MEFV: variants seen among roughly 807,000 people sequenced by gnomAD.
MEFV encodes pyrin.
In MEFV, 60 loss-of-function variants were observed where a neutral mutation model predicts 62.5. The observed-to-expected ratio is 0.96, with a 90% CI of 0.78 to 1.19. The LOEUF (loss-of-function observed/expected upper bound fraction) is 1.19. Among genes scored for constraint, MEFV ranks in the 50% most tolerant of loss-of-function variants. The probability of loss-of-function intolerance (pLI) is 0.00; values close to 1 mark genes in which losing one functional copy is unlikely to be tolerated. For missense variants in MEFV, 1,169 were observed against 1,004.5 expected (o/e 1.16, Z -2.21); for synonymous variants, 500 against 415.2 (o/e 1.20, Z -2.48).
chr16:3,251,330 G>A (rs1300170265), intron 2 of MEFV, among the ~76,000 whole-genome samples: 4 of 152,146 alleles, frequency 2.6e-5, no homozygotes, highest in Admixed American at 1.3e-4. Context: ...GCAGCTTCTA[G>A]AAACTTCTAG....
At chr16:3,247,479 A>G (rs1958960127) in intron 4 of MEFV, 1 of 568,822 alleles carries the variant, frequency 1.8e-6, no homozygotes, top group Non-Finnish European at 3.1e-6. Flanking sequence ...TTAAGGTTTA[A>G]CTGTGTCCCT....
intron 6 of MEFV, 41 bp downstream of exon 6, chr16:3,246,484 C>T: frequency 1.2e-6 from 2 of 1,613,522 alleles, no homozygotes; most frequent in Non-Finnish European, 1.7e-6. Context: ...CATATGCTTT[C>T]TGCAAGACAC....
chr16:3,246,641 C>G (rs1160152119), intron 5 of MEFV, 94 bp from the exon 6 acceptor site: 3 of 1,357,552 alleles, frequency 2.2e-6, no homozygotes, highest in East Asian at 2.3e-5. Flanking sequence ...ACTTTTAGCT[C>G]CCCGCTGCAC....
rs774821792 is a variant in MEFV at position 3,249,717 on chromosome 16, C to T, written c.974G>A (p.Gly325Asp). 3 of 1,614,024 alleles carry T rather than the reference C, an allele frequency of 1.9e-6. No homozygotes were observed. The highest frequency in any genetic ancestry group is 1.1e-5 in the South Asian group (1 of 91,062). The change falls in exon 3 of 10, where the codon GGT (glycine) becomes GAT (aspartate). Residue 325 changes from glycine (G) to aspartate (D), a missense_variant. Gly to Asp is a moderately conservative substitution (Grantham distance 94). Transcript: ENST00000219596. ...CHAQEGDPVD[G>D]TCVRDSCSFP... ...GCTGCAGGAATCACGCACACAGGTA[C>T]CGTCAACTGGGTCTCCTTCCTGGGC...
rs1567237002 is a variant in MEFV at position 3,254,197 on chromosome 16, G to T, written c.871C>A (p.Leu291Met). Reference protein sequence around the residue: ...PTPDGGASADLKEGPGNPEHS... With the variant: ...PTPDGGASADMKEGPGNPEHS... ...TCTGGATTTCCAGGGCCTTCCTTCA[G>T]GTCCGCAGATGCCCCTCCATCCGGA... The change falls in exon 2 of 10, where the codon CTG (leucine) becomes ATG (methionine). Residue 291 changes from leucine to methionine, a missense_variant. Transcript: ENST00000219596. The T allele has an allele frequency of 1.1e-5, 17 of 1,614,270 alleles. No individual in the cohort carries two copies. The highest frequency in any genetic ancestry group is 1.4e-5 in the Non-Finnish European group (16 of 1,180,046).
At chr16:3,252,766 C>T (rs1333347568) in intron 2 of MEFV, among the ~76,000 whole-genome samples, 13 of 138,128 alleles carry the variant, frequency 9.4e-5, no homozygotes, top group African/African-American at 2.5e-4. Flanking sequence ...AGACAGTCCT[C>T]GTAACTACAA....
chr16:3,244,406 T>A (rs1958908771), intron 7 of MEFV, 67 bp downstream of exon 7: 1 of 1,589,266 alleles, frequency 6.3e-7, no homozygotes. Flanking sequence ...AGTGAGGGGC[T>A]CTGGGCTATG....
At position 3,256,477 on chromosome 16, in the gene MEFV, G is replaced by A. The variant is rs1959117545; in HGVS notation, c.111C>T (p.His37=). The change falls in exon 1 of 10, where the codon CAC becomes CAT. Residue 37 remains histidine, a synonymous_variant. Coordinates refer to ENST00000219596, the MANE Select transcript of MEFV (RefSeq NM_000243.3). ...GGATCTGGCTCCGGGGGATCCTGGA[G>A]TGCTCCTTCTGCACACTGGTGTTCT... is the stretch of plus-strand genomic sequence containing the variant. ...KLQNTSVQKE[H]SRIPRSQIQR... is the part of the protein sequence containing the mutation. The A allele has an allele frequency of 6.2e-7, 1 of 1,614,214 alleles. No homozygotes were observed. Among genetic ancestry groups the A allele is most frequent in the Non-Finnish European group, 8.5e-7 (1 of 1,180,040 alleles).
chr16:3,249,726 G>C lies in MEFV; in HGVS notation c.965C>G (p.Pro322Arg). 1.2e-6 allele frequency: 2 copies of C among 1,614,064 alleles called. No individual in the cohort carries two copies. The highest frequency in any genetic ancestry group is 1.7e-6 in the Non-Finnish European group (2 of 1,179,924). The change falls in exon 3 of 10, where the codon CCA becomes CGA. Residue 322 changes from proline (P) to arginine (R), a missense_variant. Transcript: ENST00000219596. ...SPRCHAQEGDPVDGTCVRDSC... is the reference protein window; with the variant it reads ...SPRCHAQEGDRVDGTCVRDSC... Reference sequence around the variant, plus strand: ...ATCACGCACACAGGTACCGTCAACTGGGTCTCCTTCCTGGGCGTGGCAGCG... The same window carrying C: ...ATCACGCACACAGGTACCGTCAACTCGGTCTCCTTCCTGGGCGTGGCAGCG...
Position 3,252,283 on chromosome 16 carries a change from T to C in MEFV, c.910+1875A>G, listed in dbSNP as rs948550728. Among the ~76,000 whole-genome samples, 6 of 150,866 alleles carry C rather than the reference T, an allele frequency of 4.0e-5. No individual in the cohort carries two copies. In the East Asian group the frequency reaches 1.2e-3, roughly 29 times the overall value. On this transcript the variant is annotated intron_variant, in intron 2 of 9. Coordinates refer to ENST00000219596, the MANE Select transcript of MEFV (RefSeq NM_000243.3). Reference sequence around the variant, plus strand: ...CTGGACTCCCAATTCTTTTTTTTTTTTTTTTTTGAGACAGAGTTTTGCTCT... The same window carrying C: ...CTGGACTCCCAATTCTTTTTTTTTTCTTTTTTTGAGACAGAGTTTTGCTCT...
In MEFV at chr16:3,243,708, T is replaced by C. The variant is rs104895141; in HGVS notation, c.1793-14A>G. 6.2e-7 allele frequency: 1 copy of C among 1,610,572 alleles called. No homozygotes were observed. Among genetic ancestry groups the C allele is most frequent in the Non-Finnish European group, 8.5e-7 (1 of 1,178,636 alleles). On this transcript the variant is annotated splice_polypyrimidine_tract_variant and intron_variant, in intron 9 of 9. Coordinates refer to ENST00000219596, the MANE Select transcript of MEFV (RefSeq NM_000243.3). ...GAATCACATTAACTGCAAAGAAAAT[T>C]TGAATACCTAGGTAGGGGTCCATGG...
intron 6 of MEFV, 72 bp downstream of exon 6, chr16:3,246,453 C>T: frequency 6.4e-7 from 1 of 1,570,046 alleles, no homozygotes. Flanking sequence ...CCTCCCAGGT[C>T]CCTTCTGGGA....
intron 2 of MEFV, among the ~76,000 whole-genome samples, chr16:3,251,023 CAAAAAAAA>C (rs58529756): frequency 4.0e-5 from 2 of 49,408 alleles, no homozygotes; most frequent in African/African-American, 1.3e-4. Flanking sequence ...GACTCCATCT[CAAAAAAAA>C]AAAAAAAAAA....
At chr16:3,250,254 G>A (rs945411246) in intron 2 of MEFV, among the ~76,000 whole-genome samples, 1 of 152,206 alleles carries the variant, frequency 6.6e-6, no homozygotes, top group Non-Finnish European at 1.5e-5. Flanking sequence ...TTTGGAAAAT[G>A]AGTATTGAAT....
rs1210496765 is a variant in MEFV, at chr16:3,254,722, T to A, written c.346A>T (p.Arg116Trp). The A allele has an allele frequency of 6.2e-7, 1 of 1,612,884 alleles. No individual in the cohort carries two copies. ...ASSSLGENKPRSLKTPDHPEG... is the reference protein window; with the variant it reads ...ASSSLGENKPWSLKTPDHPEG... Reference sequence around the variant, plus strand: ...GGGTGGTCTGGAGTCTTCAGGCTCCTGGGCTTGTTCTCCCCCAGGGAGCTG... The same window carrying A: ...GGGTGGTCTGGAGTCTTCAGGCTCCAGGGCTTGTTCTCCCCCAGGGAGCTG... Residue 116 changes from arginine (R) to tryptophan (W), a missense_variant, in exon 2 of 10, where the codon AGG (arginine) becomes TGG (tryptophan). Coordinates refer to ENST00000219596, the MANE Select transcript of MEFV (RefSeq NM_000243.3).
intron 4 of MEFV, among the ~76,000 whole-genome samples, chr16:3,248,122 G>A (rs1356102501): frequency 2.6e-5 from 4 of 151,914 alleles, no homozygotes; most frequent in Non-Finnish European, 4.4e-5. Context: ...AGCCAGGCGC[G>A]GTGGCAGGCG....
Position 3,243,296 on chromosome 16 carries a change from A to C in MEFV, c.2191T>G (p.Phe731Val), listed in dbSNP as rs746311916. 3.1e-6 allele frequency: 5 copies of C among 1,614,084 alleles called. No individual in the cohort carries two copies. In the Admixed American group the frequency reaches 8.3e-5, roughly 27 times the overall value. The change falls in exon 10 of 10, where the codon TTT becomes GTT. Residue 731 changes from phenylalanine (F) to valine (V), a missense_variant. By Grantham distance (50) the Phe-to-Val change is conservative. Transcript: ENST00000219596. ...FVDYRVGSISFYNVTARSHIY... is the reference protein window; with the variant it reads ...FVDYRVGSISVYNVTARSHIY... ...TGGGATCTGGCTGTCACATTGTAAA[A>C]GGAGATGCTTCCAACTCTGTAGTCC...
In MEFV at chr16:3,247,120, T is replaced by G; in HGVS notation, c.1483A>C (p.Arg495=). Reference sequence around the variant, plus strand: ...GATACGCGGGTGTCATATGCCTTCCTGATCTGCCCAACCATCTGGCCCACG... The same window carrying G: ...GATACGCGGGTGTCATATGCCTTCCGGATCTGCCCAACCATCTGGCCCACG... ...EDVGQMVGQI[R]KAYDTRVSQD... The change falls in exon 5 of 10, where the codon AGG becomes CGG. Residue 495 remains arginine (R), a synonymous_variant. Coordinates refer to ENST00000219596, the MANE Select transcript of MEFV (RefSeq NM_000243.3). 6.2e-7 allele frequency: 1 copy of G among 1,614,248 alleles called. No homozygotes were observed. Among genetic ancestry groups the G allele is most frequent in the Non-Finnish European group, 8.5e-7 (1 of 1,180,044 alleles).
Position 3,250,960 on chromosome 16 carries a change from T to G in MEFV, c.911-1180A>C, listed in dbSNP as rs577666851. Among the ~76,000 whole-genome samples, 3 of 144,908 alleles carry G rather than the reference T, an allele frequency of 2.1e-5. No individual in the cohort carries two copies. The East Asian group carries it at 6.1e-4, about 29-fold the overall frequency. On this transcript the variant is annotated intron_variant, in intron 2 of 9. Transcript: ENST00000219596. The stretch of plus-strand genomic sequence containing the variant: ...AATTGCTTGAACCCGGGAGGCGGAG[T>G]TTGCAGTGAGCTGAAGTTGCGCCAC...
Sources: gnomAD v4.1 joint callset for allele counts (sites outside exome capture counted in the v4.1 genomes callset) on GRCh38, gnomAD v4.1.1 for gene constraint, MANE v1.5 for transcripts, NCBI Gene and HGNC (gene_info 2026-07-23, HGNC 2026-07-21) for gene names.